EYS: variants seen among roughly 807,000 people sequenced by gnomAD.
The protein encoded by EYS is EGF-like photoreceptor maintenance factor.
EYS carries 250 observed loss-of-function variants against 282.1 expected under a neutral mutation model. That is an observed-to-expected ratio of 0.89 (90% CI 0.80 to 0.98). EYS has a LOEUF of 0.98. EYS is among the 50% of genes least tolerant of loss of function. The probability of loss-of-function intolerance (pLI) is 0.00; values close to 1 mark genes in which losing one functional copy is unlikely to be tolerated. For synonymous variants in EYS, 1,355 were observed against 1,282.9 expected, an observed-to-expected ratio of 1.06 and a Z score of -1.20; for missense variants, 4,016 against 3,709.0, an observed-to-expected ratio of 1.08 and a Z score of -2.15.
intron 5 of EYS, among the ~76,000 whole-genome samples, chr6:65,487,965 G>T (rs1445568807): frequency 6.6e-6 from 1 of 152,078 alleles, no homozygotes; most frequent in African/African-American, 2.4e-5. Context: ...TTTGCATAGA[G>T]GTGTTTATAC....
chr6:65,225,128 T>C (rs780804613), intron 12 of EYS, among the ~76,000 whole-genome samples: 17 of 151,838 alleles, frequency 1.1e-4, no homozygotes, highest in South Asian at 6.2e-4. Flanking sequence ...ACAAAAATTA[T>C]ACACCAATAT....
At chr6:64,878,215 G>T (rs543964912) in intron 19 of EYS, among the ~76,000 whole-genome samples, 2 of 152,122 alleles carry the variant, frequency 1.3e-5, no homozygotes, top group African/African-American at 4.8e-5. Context: ...ACAACAGCGA[G>T]ACTCCATCGG....
intron 28 of EYS, among the ~76,000 whole-genome samples, chr6:64,406,393 T>C (rs1474759748): frequency 3.3e-5 from 5 of 152,142 alleles, no homozygotes; most frequent in Non-Finnish European, 5.9e-5. Flanking sequence ...ATTCAGGACA[T>C]AGGCATGGGC....
At chr6:64,419,226 C>G (rs887866271) in intron 28 of EYS, among the ~76,000 whole-genome samples, 6 of 152,132 alleles carry the variant, frequency 3.9e-5, no homozygotes, top group Non-Finnish European at 8.8e-5. Flanking sequence ...AACTGACTCA[C>G]AGTTTAGCAT....
rs540684794 is a variant in EYS at position 64,320,091 on chromosome 6, G to T, written c.6079-13009C>A. Among the ~76,000 whole-genome samples the T allele has an allele frequency of 5.6e-3, 852 of 151,948 alleles. 7 individuals carry two copies. The highest frequency in any genetic ancestry group is 0.022 in the South Asian group (107 of 4,828). On this transcript the variant is annotated intron_variant, in intron 29 of 42. Coordinates refer to ENST00000503581, the MANE Select transcript of EYS (RefSeq NM_001142800.2). ...TGGATTTGGAATTCTGTGTTGAAGG[G>T]TTTTTTTGTTTTTTAAAGTCAGCAC...
At chr6:64,979,343 A>G (rs1770578288) in intron 14 of EYS, among the ~76,000 whole-genome samples, 1 of 151,814 alleles carries the variant, frequency 6.6e-6, no homozygotes, top group East Asian at 1.9e-4. Context: ...TTAGTGTACT[A>G]GCTAATTAAT....
At chr6:65,086,315 C>CA (rs1304804647) in intron 12 of EYS, among the ~76,000 whole-genome samples, 3 of 150,708 alleles carry the variant, frequency 2.0e-5, no homozygotes, top group Admixed American at 6.6e-5. Context: ...GACTCCATCT[C>CA]AAAAAAACTA....
intron 12 of EYS, among the ~76,000 whole-genome samples, chr6:65,062,889 G>A (rs770809098): frequency 5.3e-5 from 8 of 151,976 alleles, no homozygotes; most frequent in Non-Finnish European, 1.0e-4. Context: ...GCATGTATAT[G>A]GGTATGAGTT....
At chr6:64,311,833 C>T (rs1279272922) in intron 29 of EYS, among the ~76,000 whole-genome samples, 1 of 152,114 alleles carries the variant, frequency 6.6e-6, no homozygotes, top group Non-Finnish European at 1.5e-5. Flanking sequence ...GAACGGTGCA[C>T]TCTGGCTTAG....
intron 12 of EYS, among the ~76,000 whole-genome samples, chr6:65,201,930 T>C (rs1163740970): frequency 1.3e-5 from 2 of 151,938 alleles, no homozygotes; most frequent in African/African-American, 2.4e-5. Context: ...CTGGGCAACA[T>C]GGCGAGACCC....
intron 33 of EYS, among the ~76,000 whole-genome samples, chr6:64,044,691 T>A (rs970199235): frequency 1.3e-5 from 2 of 152,244 alleles, no homozygotes; most frequent in African/African-American, 4.8e-5. Flanking sequence ...AATTTACTTT[T>A]TCTTTTTTAC....
chr6:64,114,018 AC>A, intron 31 of EYS, among the ~76,000 whole-genome samples: 1 of 152,164 alleles, frequency 6.6e-6, no homozygotes, highest in East Asian at 1.9e-4. Flanking sequence ...GACCTGCTAA[AC>A]CTAAAATAAT....
chr6:65,566,073 T>C (rs1481226428), intron 2 of EYS, among the ~76,000 whole-genome samples: 1 of 147,116 alleles, frequency 6.8e-6, no homozygotes, highest in Non-Finnish European at 1.5e-5. Context: ...ATTCTGCACA[T>C]GTATCCCAGA....
chr6:64,786,493 G>A (rs543800303), intron 22 of EYS, among the ~76,000 whole-genome samples: 6 of 152,166 alleles, frequency 3.9e-5, no homozygotes, highest in African/African-American at 7.2e-5. Context: ...GCACCATGAT[G>A]TTCTACACAC....
chr6:64,295,739 A>T (rs947373915), intron 30 of EYS, among the ~76,000 whole-genome samples: 2 of 151,146 alleles, frequency 1.3e-5, no homozygotes, highest in East Asian at 4.0e-4. Context: ...CAAAAAAAAA[A>T]AAAGAAAATG....
At chr6:65,368,042 A>C (rs973448220) in intron 8 of EYS, among the ~76,000 whole-genome samples, 1 of 151,624 alleles carries the variant, frequency 6.6e-6, no homozygotes, top group Non-Finnish European at 1.5e-5. Context: ...TCATGGCAAA[A>C]GGGGAAGCAA....
intron 2 of EYS, among the ~76,000 whole-genome samples, chr6:65,554,080 A>T (rs1307033079): frequency 6.6e-6 from 1 of 152,094 alleles, no homozygotes; most frequent in Non-Finnish European, 1.5e-5. Context: ...CCATGTAAGG[A>T]TATGAGAAGA....
chr6:64,400,140 A>C (rs1192919211), intron 28 of EYS, among the ~76,000 whole-genome samples: 1 of 151,916 alleles, frequency 6.6e-6, no homozygotes, highest in African/African-American at 2.4e-5. Context: ...TTTTCCTTGA[A>C]AGTTAGGATT....
At chr6:64,634,463 G>T (rs1405980443) in intron 22 of EYS, among the ~76,000 whole-genome samples, 1 of 151,500 alleles carries the variant, frequency 6.6e-6, no homozygotes, top group East Asian at 2.0e-4. Context: ...GCCATGGATA[G>T]CTCATAGGCT....
Sources: allele counts gnomAD v4.1 joint callset (sites outside exome capture counted in the v4.1 genomes callset), GRCh38; gene constraint gnomAD v4.1.1; transcripts MANE v1.5; gene names NCBI Gene and HGNC (gene_info 2026-07-23, HGNC 2026-07-21).